Variants in EYA2 observed in about 807,000 individuals in gnomAD.
EYA2 encodes the protein protein phosphatase EYA2.
A neutral mutation model predicts 69.2 loss-of-function variants in EYA2; 31 were observed. The ratio of observed to expected loss-of-function variants is 0.45; its 90% CI spans 0.34 to 0.60. The LOEUF is 0.60. EYA2 is among the 20% of genes least tolerant of loss of function. EYA2 has a pLI of 0.02. For synonymous variants in EYA2, 257 were observed against 279.4 expected, an observed-to-expected ratio of 0.92 and a Z score of 0.80; for missense variants, 622 against 701.2, an observed-to-expected ratio of 0.89 and a Z score of 1.28.
At chr20:47,037,542 G>A (rs919513535) in intron 5 of EYA2, among the ~76,000 whole-genome samples, 2 of 152,206 alleles carry the variant, frequency 1.3e-5, no homozygotes, top group Non-Finnish European at 2.9e-5. Flanking sequence ...CATTTTGGAT[G>A]TCAGAAGTCT....
chr20:47,042,747 C>G (rs1166160835), intron 5 of EYA2, among the ~76,000 whole-genome samples: 1 of 152,180 alleles, frequency 6.6e-6, no homozygotes. Context: ...CATCCTTATG[C>G]CTCTTATCAC....
intron 1 of EYA2, chr20:46,978,376 A>G: frequency 2.9e-6 from 1 of 347,268 alleles, no homozygotes. Context: ...GCAGGAGGGA[A>G]ATCGCTTACT....
chr20:47,047,309 G>C (rs936157099), intron 5 of EYA2, among the ~76,000 whole-genome samples: 1 of 152,132 alleles, frequency 6.6e-6, no homozygotes, highest in Non-Finnish European at 1.5e-5. Context: ...GCCCACAGGA[G>C]TAGGGCAGGT....
chr20:47,072,977 T>G (rs1242325590), intron 6 of EYA2, among the ~76,000 whole-genome samples: 1 of 152,224 alleles, frequency 6.6e-6, no homozygotes, highest in East Asian at 1.9e-4. Context: ...ACTTAGCAAA[T>G]GTAAAAATTG....
intron 9 of EYA2, among the ~76,000 whole-genome samples, chr20:47,100,903 G>C (rs761829756): frequency 6.6e-6 from 1 of 152,224 alleles, no homozygotes; most frequent in Non-Finnish European, 1.5e-5. Context: ...CTGCTGTGCA[G>C]CACCAGAGAC....
intron 1 of EYA2, among the ~76,000 whole-genome samples, chr20:46,907,233 A>G (rs1984402357): frequency 6.6e-6 from 1 of 152,252 alleles, no homozygotes; most frequent in Non-Finnish European, 1.5e-5. Flanking sequence ...GGAGTGAAAA[A>G]GAAGGGAAAA....
chr20:46,976,995 T>G (rs1428737138), intron 1 of EYA2, among the ~76,000 whole-genome samples: 1 of 152,160 alleles, frequency 6.6e-6, no homozygotes, highest in African/African-American at 2.4e-5. Context: ...GCAGATACCA[T>G]GCAGCAGTGA....
At chr20:47,056,075 A>G (rs975152847) in intron 5 of EYA2, among the ~76,000 whole-genome samples, 1 of 152,204 alleles carries the variant, frequency 6.6e-6, no homozygotes, top group Non-Finnish European at 1.5e-5. Context: ...TTGTTTTATT[A>G]CCAGTTAAAT....
chr20:47,136,562 A>C (rs114702025), intron 9 of EYA2, among the ~76,000 whole-genome samples: 2,666 of 152,004 alleles, frequency 0.018, 119 homozygotes, highest in East Asian at 0.17. Flanking sequence ...TGGGCCACAT[A>C]GCAAGACCCT....
Position 47,188,372 on chromosome 20 carries a change from AGTCTAGACTCTT to A in EYA2, c.*240_*251del. On this transcript the variant is annotated 3_prime_UTR_variant, in exon 16 of 16. Transcript: ENST00000327619. ...ACTTTGGGGAAAAGGGCTGGCTCGG[AGTCTAGACTCTT>A]CTGTAAGACTCACAGAACAAAAGCA... The A allele has an allele frequency of 1.7e-6, 1 of 596,892 alleles. No individual in the cohort carries two copies. Among genetic ancestry groups the A allele is most frequent in the Non-Finnish European group, 3.0e-6 (1 of 334,890 alleles). 37.0% of individuals were successfully genotyped at this position (596,892 alleles called of 1,614,324 possible).
rs562465244 is a variant in EYA2 at position 47,005,013 on chromosome 20, C to T, written c.227C>T (p.Ala76Val). ...GCCTACGGCCAGACGCAGTACAGTG[C>T]GGGGATCCAGCAGGCTACCCCCTAT... ...MAAYGQTQYS[A>V]GIQQATPYTA... Residue 76 changes from alanine to valine, a missense_variant, in exon 4 of 16, where the codon GCG becomes GTG. Physicochemically the swap from Ala to Val is moderately conservative, Grantham distance 64. Transcript: ENST00000327619. 1.9e-5 allele frequency: 31 copies of T among 1,614,046 alleles called. No individual in the cohort carries two copies. The highest frequency in any genetic ancestry group is 1.6e-4 in the Middle Eastern group (1 of 6,062).
At chr20:47,146,319 G>C (rs1301938152) in intron 10 of EYA2, among the ~76,000 whole-genome samples, 1 of 152,152 alleles carries the variant, frequency 6.6e-6, no homozygotes, top group African/African-American at 2.4e-5. Context: ...GCGCCTTGTG[G>C]ATCTTGGTTG....
intron 12 of EYA2, among the ~76,000 whole-genome samples, chr20:47,174,752 G>C (rs1264866023): frequency 6.6e-6 from 1 of 152,240 alleles, no homozygotes; most frequent in Non-Finnish European, 1.5e-5. Context: ...GGTGTTGCTT[G>C]AAAGCAGAAA....
At chr20:46,991,916 C>T (rs1296699783) in intron 2 of EYA2, among the ~76,000 whole-genome samples, 3 of 135,012 alleles carry the variant, frequency 2.2e-5, no homozygotes, top group Admixed American at 8.7e-5. Flanking sequence ...TGCAGTGAGC[C>T]GAGATCGTAC....
At chr20:46,967,144 C>T (rs575956596) in intron 1 of EYA2, among the ~76,000 whole-genome samples, 1 of 152,338 alleles carries the variant, frequency 6.6e-6, no homozygotes, top group South Asian at 2.1e-4. Flanking sequence ...CAGGCACACA[C>T]CACCACATCC....
At position 47,168,255 on chromosome 20, in the gene EYA2, G is replaced by A. The variant is rs564170818; in HGVS notation, c.979-884G>A. Among the ~76,000 whole-genome samples, 53 of 152,056 alleles carry A rather than the reference G, an allele frequency of 3.5e-4. 1 individual carries two copies. Among genetic ancestry groups the A allele is most frequent in the South Asian group, 1.2e-3 (6 of 4,814 alleles). ...CATGCAGGCTGGAGCACAGTGGCGC[G>A]ATCTCGGCTCACTACAACCTCCACT... On this transcript the variant is annotated intron_variant, in intron 10 of 15. Coordinates refer to ENST00000327619, the MANE Select transcript of EYA2 (RefSeq NM_005244.5).
intron 1 of EYA2, among the ~76,000 whole-genome samples, chr20:46,963,286 C>T (rs1289164917): frequency 6.6e-6 from 1 of 152,226 alleles, no homozygotes; most frequent in Non-Finnish European, 1.5e-5. Context: ...CTTATCCCTC[C>T]TGCAGGCAAA....
At chr20:47,147,054 C>CTTTT (rs57767869) in intron 10 of EYA2, among the ~76,000 whole-genome samples, 8 of 112,884 alleles carry the variant, frequency 7.1e-5, no homozygotes, top group Admixed American at 9.6e-5. Context: ...GCTCCTCTGA[C>CTTTT]TTTTTTTTTT....
At chr20:47,183,081 G>T (rs747376801) in intron 14 of EYA2, among the ~76,000 whole-genome samples, 17 of 152,202 alleles carry the variant, frequency 1.1e-4, no homozygotes, top group Non-Finnish European at 2.2e-4. Context: ...CCCTGGGCAA[G>T]CTACTGACCC....
Sources: gnomAD v4.1 joint callset for allele counts (sites outside exome capture counted in the v4.1 genomes callset) on GRCh38, gnomAD v4.1.1 for gene constraint, MANE v1.5 for transcripts, NCBI Gene and HGNC (gene_info 2026-07-23, HGNC 2026-07-21) for gene names.